GAB1: variants seen among roughly 807,000 people sequenced by gnomAD.
GAB1 encodes GRB2 associated binding protein 1.
Under a neutral mutation model 66.5 loss-of-function variants are expected in GAB1, and 19 were observed. The observed-to-expected ratio is 0.29, with a 90% CI of 0.20 to 0.42. GAB1 has a LOEUF of 0.42. GAB1 is among the 10% of genes least tolerant of loss of function. The probability of loss-of-function intolerance (pLI) is 1.00; values close to 1 mark genes in which losing one functional copy is unlikely to be tolerated. For synonymous variants in GAB1, 294 were observed against 301.4 expected, an observed-to-expected ratio of 0.98 and a Z score of 0.25; for missense variants, 732 against 858.5, an observed-to-expected ratio of 0.85 and a Z score of 1.84.
chr4:143,349,776 G>A (rs911128928), intron 1 of GAB1: 8 of 1,590,426 alleles, frequency 5.0e-6, no homozygotes, highest in African/African-American at 1.3e-5. Context: ...CGATAGCAAC[G>A]AATGCCTTGA....
At chr4:143,347,329 T>C (rs777952397) in intron 1 of GAB1, among the ~76,000 whole-genome samples, 3 of 152,244 alleles carry the variant, frequency 2.0e-5, no homozygotes, top group Non-Finnish European at 4.4e-5. Context: ...TTGAGTGTCC[T>C]TTGGCTTTTA....
At chr4:143,403,314 C>A (rs1731870430) in intron 1 of GAB1, among the ~76,000 whole-genome samples, 1 of 152,116 alleles carries the variant, frequency 6.6e-6, no homozygotes, top group Admixed American at 6.6e-5. Context: ...CATGCATATA[C>A]AATACAAATC....
rs893424919 is a variant in GAB1 at position 143,473,056 on chromosome 4, T to C, written c.*3867T>C. 6.6e-6 allele frequency: 1 copy of C among 152,208 alleles called. No individual in the cohort carries two copies. The highest frequency in any genetic ancestry group is 1.5e-5 in the Non-Finnish European group (1 of 68,036). 9.4% of individuals were successfully genotyped at this position (152,208 alleles called of 1,614,324 possible). A position where few individuals can be genotyped will look rare whatever the true frequency, so the allele number is the denominator to read the frequency against. On this transcript the variant is annotated 3_prime_UTR_variant, in exon 10 of 10. Transcript: ENST00000262994. Reference sequence around the variant, plus strand: ...TTGTCTTCTATAGACTTAATTTTATTCCGGTTCAGTATAATCTCTGTTAAC... The same window carrying C: ...TTGTCTTCTATAGACTTAATTTTATCCCGGTTCAGTATAATCTCTGTTAAC...
intron 1 of GAB1, among the ~76,000 whole-genome samples, chr4:143,347,853 T>G (rs1036046109): frequency 6.6e-6 from 1 of 152,250 alleles, no homozygotes; most frequent in African/African-American, 2.4e-5. Context: ...GAGTAAGATC[T>G]GATTTCTGTT....
rs997395248 is a variant in GAB1, at chr4:143,349,733, T to G, written c.72+12473T>G. The G allele has an allele frequency of 4.4e-6, 7 of 1,586,424 alleles. No homozygotes were observed. In the African/African-American group the frequency reaches 9.4e-5, roughly 21 times the overall value. Reference sequence around the variant, plus strand: ...GCGGTGGCCACCTCCTTGGAGCACTTAACACCCAGACCGACGTGGCCATTG... The same window carrying G: ...GCGGTGGCCACCTCCTTGGAGCACTGAACACCCAGACCGACGTGGCCATTG... On this transcript the variant is annotated intron_variant, in intron 1 of 9. Transcript: ENST00000262994.
At chr4:143,421,675 CT>C (rs1484698112) in intron 2 of GAB1, among the ~76,000 whole-genome samples, 2 of 132,572 alleles carry the variant, frequency 1.5e-5, no homozygotes, top group Non-Finnish European at 3.3e-5. Flanking sequence ...TTTTCTTTTT[CT>C]TTTTTTCTTT....
At position 143,349,855 on chromosome 4, in the gene GAB1, G is replaced by A. The variant is rs979655811; in HGVS notation, c.72+12595G>A. The A allele has an allele frequency of 2.0e-5, 31 of 1,583,558 alleles. No homozygotes were observed. In the African/African-American group the frequency reaches 2.7e-4, roughly 14 times the overall value. ...AATCTTCAAAACCTCATCCTTGAGA[G>A]AGGCCCCCAGGAAAAAGTCAATGAT... On this transcript the variant is annotated intron_variant, in intron 1 of 9. Coordinates refer to ENST00000262994, the MANE Select transcript of GAB1 (RefSeq NM_002039.4).
At chr4:143,458,449 C>G (rs1416451018) in intron 6 of GAB1, among the ~76,000 whole-genome samples, 4 of 151,866 alleles carry the variant, frequency 2.6e-5, no homozygotes, top group African/African-American at 9.7e-5. Flanking sequence ...AAATAAATCT[C>G]AAAGATGAAA....
At chr4:143,387,338 T>TTTTGACTG (rs1730966168) in intron 1 of GAB1, among the ~76,000 whole-genome samples, 3 of 152,112 alleles carry the variant, frequency 2.0e-5, no homozygotes, top group Non-Finnish European at 4.4e-5. Context: ...TCCATGTTGG[T>TTTTGACTG]CAGGCTGGTC....
intron 1 of GAB1, among the ~76,000 whole-genome samples, chr4:143,389,406 T>G (rs1009920832): frequency 1.1e-4 from 17 of 152,134 alleles, no homozygotes; most frequent in African/African-American, 4.1e-4. Context: ...ATTGAAAGGA[T>G]TGGTAGGAAA....
At chr4:143,421,698 C>CTTTTTTTTTTTTTTTTTTTTTTTT (rs70953733) in intron 2 of GAB1, among the ~76,000 whole-genome samples, 13 of 118,676 alleles carry the variant, frequency 1.1e-4, no homozygotes, top group East Asian at 2.4e-4. Context: ...CTTTTCTTTT[C>CTTTTTTTTTTTTTTTTTTTTTTTT]TTTTTTTTTT....
At chr4:143,355,291 A>G (rs993119661) in intron 1 of GAB1, among the ~76,000 whole-genome samples, 1 of 152,116 alleles carries the variant, frequency 6.6e-6, no homozygotes, top group Non-Finnish European at 1.5e-5. Context: ...CCATTTCTAT[A>G]TCCACCTCCA....
chr4:143,436,908 A>G (rs1002093672), intron 3 of GAB1, among the ~76,000 whole-genome samples: 1 of 152,196 alleles, frequency 6.6e-6, no homozygotes, highest in Admixed American at 6.5e-5. Context: ...AATAGCGTGT[A>G]TGGTAAAAGG....
intron 6 of GAB1, among the ~76,000 whole-genome samples, chr4:143,453,830 A>C (rs1239301102): frequency 2.6e-5 from 4 of 152,180 alleles, no homozygotes; most frequent in Admixed American, 2.0e-4. Context: ...CTTAAGTTCT[A>C]TAAGCCCCCA....
chr4:143,386,144 A>G (rs1378835112), intron 1 of GAB1, among the ~76,000 whole-genome samples: 1 of 152,172 alleles, frequency 6.6e-6, no homozygotes, highest in Non-Finnish European at 1.5e-5. Context: ...ATAAATAAAA[A>G]TTAAAGTGTA....
At position 143,471,051 on chromosome 4, in the gene GAB1, A is replaced by G. The variant is rs1229838753; in HGVS notation, c.*1862A>G. ...AATCCTGAAATGTGCCTAAACTATC[A>G]AAACACACGATACAGCTAATGTGTA... On this transcript the variant is annotated 3_prime_UTR_variant, in exon 10 of 10. Coordinates refer to ENST00000262994, the MANE Select transcript of GAB1 (RefSeq NM_002039.4). 1 of 152,240 alleles carries G rather than the reference A, an allele frequency of 6.6e-6. No homozygotes were observed. The highest frequency in any genetic ancestry group is 1.5e-5 in the Non-Finnish European group (1 of 68,046). 9.4% of individuals were successfully genotyped at this position (152,240 alleles called of 1,614,324 possible).
At chr4:143,355,771 C>G (rs568940690) in intron 1 of GAB1, among the ~76,000 whole-genome samples, 1 of 152,272 alleles carries the variant, frequency 6.6e-6, no homozygotes, top group South Asian at 2.1e-4. Context: ...ATCCTAGATT[C>G]AGTGCTCTGT....
rs946291899 is a variant in GAB1, at chr4:143,471,455, A to ACC, written c.*2269_*2270dup. 18 of 152,180 alleles carry ACC rather than the reference A, an allele frequency of 1.2e-4. No homozygotes were observed. The highest frequency in any genetic ancestry group is 4.1e-4 in the African/African-American group (17 of 41,450). The allele number at this position is 152,180 out of a possible 1,614,324, so 9.4% of individuals were successfully genotyped here. A position where few individuals can be genotyped will look rare whatever the true frequency, so the allele number is the denominator to read the frequency against. ...CTTTTTAGATGAAATTTTATGTATAACCCCAATACATAAAGCCTGAAAACT... is the reference window on the plus strand; with the variant it reads ...CTTTTTAGATGAAATTTTATGTATAACCCCCCAATACATAAAGCCTGAAAACT... On this transcript the variant is annotated 3_prime_UTR_variant, in exon 10 of 10. Coordinates refer to ENST00000262994, the MANE Select transcript of GAB1 (RefSeq NM_002039.4).
At chr4:143,368,690 T>G (rs1729988063) in intron 1 of GAB1, among the ~76,000 whole-genome samples, 2 of 152,190 alleles carry the variant, frequency 1.3e-5, no homozygotes, top group South Asian at 4.1e-4. Context: ...TTGTCTAAAC[T>G]CATTCAATGT....
Sources: allele counts gnomAD v4.1 joint callset (sites outside exome capture counted in the v4.1 genomes callset), GRCh38; gene constraint gnomAD v4.1.1; transcripts MANE v1.5; gene names NCBI Gene and HGNC (gene_info 2026-07-23, HGNC 2026-07-21).